The following DGKG variants were observed in gnomAD, a reference collection of about 807,000 sequenced individuals.
DGKG encodes diacylglycerol kinase gamma.
In DGKG, 78 loss-of-function variants were observed where a neutral mutation model predicts 105.3. The observed-to-expected ratio is 0.74, with a 90% CI of 0.62 to 0.89. The LOEUF is 0.89. Ranked by LOEUF, DGKG falls within the 40% of genes least tolerant of loss-of-function variation. The pLI is 0.00. For synonymous variants in DGKG, 346 were observed against 367.1 expected, an observed-to-expected ratio of 0.94 and a Z score of 0.66; for missense variants, 958 against 1,020.1, an observed-to-expected ratio of 0.94 and a Z score of 0.83.
chr3:186,356,782 C>T (rs1210598407), intron 1 of DGKG, among the ~76,000 whole-genome samples: 1 of 152,152 alleles, frequency 6.6e-6, no homozygotes, highest in Non-Finnish European at 1.5e-5. Context: ...AGCCAAGTTA[C>T]CCCATTAATA....
intron 9 of DGKG, among the ~76,000 whole-genome samples, chr3:186,277,945 T>C (rs1722659093): frequency 6.6e-6 from 1 of 152,176 alleles, no homozygotes; most frequent in African/African-American, 2.4e-5. Flanking sequence ...AAACCCCAAA[T>C]AGTAAGTGTT....
At chr3:186,193,252 G>A (rs1023578188) in intron 21 of DGKG, among the ~76,000 whole-genome samples, 3 of 152,350 alleles carry the variant, frequency 2.0e-5, no homozygotes, top group African/African-American at 7.2e-5. Context: ...AGAGACATGG[G>A]TTTAAATCTT....
At chr3:186,309,602 T>C (rs1403435084) in intron 2 of DGKG, among the ~76,000 whole-genome samples, 1 of 152,146 alleles carries the variant, frequency 6.6e-6, no homozygotes, top group Non-Finnish European at 1.5e-5. Flanking sequence ...GGGAGGTTGT[T>C]AGCTCAGCCA....
At chr3:186,336,655 T>TAAAAGC (rs1725845135) in intron 1 of DGKG, among the ~76,000 whole-genome samples, 1 of 152,126 alleles carries the variant, frequency 6.6e-6, no homozygotes, top group Non-Finnish European at 1.5e-5. Flanking sequence ...CAGTTTTGGT[T>TAAAAGC]AAAAGCAAAA....
intron 17 of DGKG, 23 bp from the exon 18 acceptor site, chr3:186,253,205 G>A: frequency 6.3e-7 from 1 of 1,591,010 alleles, no homozygotes; most frequent in East Asian, 2.2e-5. Flanking sequence ...CAGAGGAACA[G>A]AGAACCATAT....
chr3:186,335,074 C>T (rs1358119190), intron 1 of DGKG, among the ~76,000 whole-genome samples: 1 of 151,980 alleles, frequency 6.6e-6, no homozygotes. Context: ...GACCTGGAGC[C>T]CTTGGGTCTA....
chr3:186,225,210 T>C (rs1719798202), intron 20 of DGKG, among the ~76,000 whole-genome samples: 1 of 152,052 alleles, frequency 6.6e-6, no homozygotes, highest in African/African-American at 2.4e-5. Context: ...GAAACAATTC[T>C]CCCCTCTCAG....
chr3:186,198,023 G>A (rs62288981), intron 21 of DGKG, among the ~76,000 whole-genome samples: 8,809 of 152,282 alleles, frequency 0.058, 306 homozygotes, highest in Middle Eastern at 0.13. Flanking sequence ...ACTCATAGAA[G>A]GCGGGGACCA....
chr3:186,288,903 A>C (rs1349381496), intron 5 of DGKG, 23 bp from the exon 6 acceptor site: 2 of 1,518,878 alleles, frequency 1.3e-6, no homozygotes, highest in Non-Finnish European at 1.8e-6. Context: ...AAAGGAAAAC[A>C]TCCAAGGACA....
rs762492904 is a variant in DGKG at position 186,149,840 on chromosome 3, C to A, written c.*250G>T. On this transcript the variant is annotated 3_prime_UTR_variant, in exon 25 of 25. Coordinates refer to ENST00000265022, the MANE Select transcript of DGKG (RefSeq NM_001346.3). ...GGTTGCTGCCTAAGCCAGCCACAAC[C>A]TCATGGGCCCTAAGTCCATTCAAAA... 1.2e-3 allele frequency: 1,389 copies of A among 1,203,952 alleles called. 3 individuals are homozygous for A. Among genetic ancestry groups the A allele is most frequent in the Non-Finnish European group, 1.3e-3 (1,297 of 967,168 alleles). 74.6% of individuals were successfully genotyped at this position (1,203,952 alleles called of 1,614,324 possible). A position where few individuals can be genotyped will look rare whatever the true frequency, so the allele number is the denominator to read the frequency against.
At chr3:186,359,421 T>C (rs536299280) in intron 1 of DGKG, among the ~76,000 whole-genome samples, 1 of 152,206 alleles carries the variant, frequency 6.6e-6, no homozygotes, top group African/African-American at 2.4e-5. Flanking sequence ...TTCATGAAGG[T>C]CTTTTGCTAC....
chr3:186,261,014 C>T (rs1051184148), intron 15 of DGKG, among the ~76,000 whole-genome samples: 6 of 152,114 alleles, frequency 3.9e-5, no homozygotes, highest in African/African-American at 7.2e-5. Context: ...GCTGAGAGGC[C>T]GTGACTGCAC....
intron 21 of DGKG, among the ~76,000 whole-genome samples, chr3:186,189,457 C>T (rs1267245075): frequency 6.6e-6 from 1 of 152,096 alleles, no homozygotes; most frequent in Admixed American, 6.5e-5. Flanking sequence ...AACACTGGAC[C>T]CAGAGACTTG....
intron 1 of DGKG, among the ~76,000 whole-genome samples, chr3:186,360,568 G>C (rs1217132395): frequency 6.6e-6 from 1 of 152,188 alleles, no homozygotes; most frequent in African/African-American, 2.4e-5. Context: ...CCTGGAATGA[G>C]AGTGAGAGGG....
chr3:186,200,480 C>T (rs1186012772), intron 21 of DGKG, among the ~76,000 whole-genome samples: 2 of 152,200 alleles, frequency 1.3e-5, no homozygotes, highest in African/African-American at 2.4e-5. Context: ...TAGTGAGCTT[C>T]CTATCTTTGG....
chr3:186,265,160 T>G, intron 14 of DGKG, 87 bp downstream of exon 14: 10 of 1,323,798 alleles, frequency 7.6e-6, no homozygotes, highest in Non-Finnish European at 1.1e-6. Flanking sequence ...GCTGAGATGC[T>G]TTTCTGTAGA....
intron 1 of DGKG, among the ~76,000 whole-genome samples, chr3:186,344,096 TAAGGTTGTGGAGAA>T (rs1214493485): frequency 1.3e-5 from 2 of 152,196 alleles, no homozygotes; most frequent in Non-Finnish European, 2.9e-5. Flanking sequence ...CAGATGCTAG[TAAGGTTGTGGAGAA>T]AAGGGAATAC....
chr3:186,267,902 CTTTGA>C, intron 12 of DGKG, 125 bp from the exon 13 acceptor site: 2 of 812,516 alleles, frequency 2.5e-6, no homozygotes, highest in Non-Finnish European at 4.1e-6. Context: ...GCACTGCTGG[CTTTGA>C]CAGTATTGCC....
chr3:186,200,531 G>T (rs1190027206), intron 21 of DGKG, among the ~76,000 whole-genome samples: 1 of 152,178 alleles, frequency 6.6e-6, no homozygotes, highest in Non-Finnish European at 1.5e-5. Context: ...ATCAGAATGT[G>T]CTAGGATGAG....
Sources: allele counts gnomAD v4.1 joint callset (sites outside exome capture counted in the v4.1 genomes callset), GRCh38; gene constraint gnomAD v4.1.1; transcripts MANE v1.5; gene names NCBI Gene and HGNC (gene_info 2026-07-23, HGNC 2026-07-21).